The following OSBP2 variants were observed in gnomAD, a reference collection of about 807,000 sequenced individuals.
OSBP2 encodes oxysterol binding protein 2, also known as oxysterol-binding protein 2.
In OSBP2, 66 loss-of-function variants were observed where a neutral mutation model predicts 96.0. The observed-to-expected ratio is 0.69, with a 90% CI of 0.56 to 0.84. OSBP2 has a LOEUF of 0.84. OSBP2 is among the 40% of genes least tolerant of loss of function. The pLI, the probability that OSBP2 is intolerant of heterozygous loss-of-function variation, is 0.00. For synonymous variants in OSBP2, 525 were observed against 520.9 expected (o/e 1.01, Z -0.11); for missense variants, 1,038 against 1,222.7 (o/e 0.85, Z 2.25).
chr22:30,723,442 C>A (rs2089587436), intron 1 of OSBP2, among the ~76,000 whole-genome samples: 1 of 150,206 alleles, frequency 6.7e-6, no homozygotes. Context: ...GAGACAGAGT[C>A]TTGCTCCGTT....
intron 2 of OSBP2, among the ~76,000 whole-genome samples, chr22:30,756,159 G>A (rs1448594535): frequency 6.6e-6 from 1 of 152,196 alleles, no homozygotes; most frequent in Non-Finnish European, 1.5e-5. Context: ...CCTCCAGGTG[G>A]CAGTTGCGTT....
At chr22:30,741,422 A>G in intron 2 of OSBP2, 53 bp downstream of exon 2, 2 of 1,458,982 alleles carry the variant, frequency 1.4e-6, no homozygotes, top group Non-Finnish European at 1.9e-6. Flanking sequence ...ATGAGTCTGG[A>G]GGAAGTGGGA....
At chr22:30,785,737 T>C (rs889059700) in intron 2 of OSBP2, among the ~76,000 whole-genome samples, 4 of 152,100 alleles carry the variant, frequency 2.6e-5, no homozygotes, top group Non-Finnish European at 5.9e-5. Flanking sequence ...GACTGGATCA[T>C]GGGGGCAGAT....
chr22:30,861,696 A>T (rs1222998758), intron 2 of OSBP2, among the ~76,000 whole-genome samples: 3 of 151,892 alleles, frequency 2.0e-5, no homozygotes, highest in Non-Finnish European at 2.9e-5. Flanking sequence ...CTTTATTTTT[A>T]ATGATCCCTT....
intron 2 of OSBP2, 105 bp downstream of exon 2, chr22:30,741,474 G>T: frequency 1.1e-6 from 1 of 905,994 alleles, no homozygotes; most frequent in Non-Finnish European, 1.7e-6. Context: ...GGAGACCCAG[G>T]CCAGCGTGGA....
chr22:30,854,095 C>T (rs941287930), intron 2 of OSBP2, among the ~76,000 whole-genome samples: 2 of 151,972 alleles, frequency 1.3e-5, no homozygotes, highest in Non-Finnish European at 2.9e-5. Context: ...CTAGGGTTTA[C>T]AGTACGCATT....
chr22:30,851,703 A>G lies in OSBP2; in HGVS notation c.854-18726A>G, dbSNP rs2038981758. ...TTAGGAATTTTATTCCTAAACCAGG[A>G]AGTTTATTTCTGGTTTTAGGAATAA... On this transcript the variant is annotated intron_variant, in intron 2 of 13. Transcript: ENST00000332585. 1.3e-5 allele frequency among the ~76,000 whole-genome samples: 2 copies of G among 152,096 alleles called. 1 individual carries two copies. Among genetic ancestry groups the G allele is most frequent in the Admixed American group, 1.3e-4 (2 of 15,262 alleles).
chr22:30,902,531 C>A (rs1250818258), intron 12 of OSBP2: 9 of 1,412,262 alleles, frequency 6.4e-6, no homozygotes, highest in Admixed American at 5.1e-5. Context: ...TCTTAGGAGG[C>A]AGGGGAGGTA....
chr22:30,858,050 G>A (rs912585253), intron 2 of OSBP2, among the ~76,000 whole-genome samples: 7 of 152,068 alleles, frequency 4.6e-5, no homozygotes, highest in Non-Finnish European at 7.4e-5. Context: ...CAGGCACTGC[G>A]CAGCTAGGCC....
intron 1 of OSBP2, among the ~76,000 whole-genome samples, chr22:30,716,423 G>T (rs1024198930): frequency 2.6e-5 from 4 of 151,206 alleles, no homozygotes; most frequent in Admixed American, 6.6e-5. Context: ...TTGTTTGTTT[G>T]TTTTTTTGTT....
rs1211471057 is a variant in OSBP2 at position 30,889,486 on chromosome 22, G to A, written c.1477-4G>A. On this transcript the variant is annotated splice_region_variant and splice_polypyrimidine_tract_variant and intron_variant, in intron 6 of 13. Coordinates refer to ENST00000332585, the MANE Select transcript of OSBP2 (RefSeq NM_030758.4). Reference sequence around the variant, plus strand: ...CGGTGAGGGGGTCCCCACTTATGTGGCAGGTACTAGATGGTGCCTCGCTCG... The same window carrying A: ...CGGTGAGGGGGTCCCCACTTATGTGACAGGTACTAGATGGTGCCTCGCTCG... 3.7e-6 allele frequency: 6 copies of A among 1,613,946 alleles called. No individual in the cohort carries two copies. The highest frequency in any genetic ancestry group is 5.1e-6 in the Non-Finnish European group (6 of 1,180,012).
intron 1 of OSBP2, among the ~76,000 whole-genome samples, chr22:30,737,448 G>T (rs1253011144): frequency 4.7e-5 from 7 of 149,838 alleles, no homozygotes; most frequent in South Asian, 2.1e-4. Context: ...CTCAGCTCCT[G>T]AGTAGCTGGG....
chr22:30,892,578 G>T (rs1270326639), intron 8 of OSBP2, among the ~76,000 whole-genome samples: 2 of 152,110 alleles, frequency 1.3e-5, no homozygotes, highest in East Asian at 3.9e-4. Context: ...ACAGACAAGG[G>T]AGGCTTGGTG....
rs190690434 is a variant in OSBP2 at position 30,743,288 on chromosome 22, C to G, written c.853+1919C>G. ...CCATGTTGGGGTCTGTCTCCCAGCT[C>G]TAGGGTCTCAGTGAGTATTAAAGGG... is the stretch of plus-strand genomic sequence containing the variant. On this transcript the variant is annotated intron_variant, in intron 2 of 13. Transcript: ENST00000332585. Among the ~76,000 whole-genome samples the G allele has an allele frequency of 2.9e-3, 442 of 152,332 alleles. 1 individual carries two copies. Among genetic ancestry groups the G allele is most frequent in the Non-Finnish European group, 5.2e-3 (354 of 68,032 alleles).
chr22:30,768,485 T>C (rs2090305953), intron 2 of OSBP2, among the ~76,000 whole-genome samples: 1 of 152,112 alleles, frequency 6.6e-6, no homozygotes, highest in Non-Finnish European at 1.5e-5. Context: ...GAGACCAGCC[T>C]GATCAACATG....
At chr22:30,845,075 C>T (rs2038841122) in intron 2 of OSBP2, among the ~76,000 whole-genome samples, 1 of 152,166 alleles carries the variant, frequency 6.6e-6, no homozygotes, top group South Asian at 2.1e-4. Flanking sequence ...TTGTTGCACT[C>T]CAGCAATTAC....
intron 12 of OSBP2, chr22:30,894,204 C>G: frequency 1.7e-6 from 1 of 580,562 alleles, no homozygotes. Flanking sequence ...TATGCACAGA[C>G]TTTAAGCGAG....
chr22:30,898,187 A>T (rs888266398), intron 12 of OSBP2, among the ~76,000 whole-genome samples: 20 of 150,514 alleles, frequency 1.3e-4, no homozygotes, highest in Admixed American at 4.0e-4. Flanking sequence ...CCAAAAAAAA[A>T]TTTTTTTTTT....
chr22:30,822,295 T>A (rs2038290370), intron 2 of OSBP2, among the ~76,000 whole-genome samples: 1 of 152,192 alleles, frequency 6.6e-6, no homozygotes, highest in South Asian at 2.1e-4. Flanking sequence ...CGCATTAAAA[T>A]GTGACATTGA....
Sources: allele counts gnomAD v4.1 joint callset (sites outside exome capture counted in the v4.1 genomes callset), GRCh38; gene constraint gnomAD v4.1.1; transcripts MANE v1.5; gene names NCBI Gene and HGNC (gene_info 2026-07-23, HGNC 2026-07-21).